Variants in CCDC32 observed in about 807,000 individuals in gnomAD.
CCDC32 encodes coiled-coil domain-containing protein 32.
Under a neutral mutation model 20.1 loss-of-function variants are expected in CCDC32, and 9 were observed. The observed-to-expected ratio is 0.45, with a 90% confidence interval of 0.27 to 0.78. The LOEUF is 0.78. Ranked by LOEUF, CCDC32 falls within the 30% of genes least tolerant of loss-of-function variation. The pLI, the probability that CCDC32 is intolerant of heterozygous loss-of-function variation, is 0.16. For synonymous variants in CCDC32, 63 were observed against 79.0 expected (o/e 0.80, Z 1.07); for missense variants, 204 against 215.5 (o/e 0.95, Z 0.33).
chr15:40,561,132 G>A (rs567391718), intron 2 of CCDC32, among the ~76,000 whole-genome samples: 1 of 152,252 alleles, frequency 6.6e-6, no homozygotes, highest in African/African-American at 2.4e-5. Flanking sequence ...AATGCCATAC[G>A]TTCTCACTTA....
Position 40,562,666 on chromosome 15 carries a change from T to G in CCDC32, c.244+106A>C, listed in dbSNP as rs1890724621. The stretch of plus-strand genomic sequence containing the variant: ...CGGCTTGAAACATCCCTTGGAATTA[T>G]ATCTGACAGATACGTGTGACAGGAA... On this transcript the variant is annotated intron_variant, in intron 2 of 3. Coordinates refer to ENST00000416810, the MANE Select transcript of CCDC32 (RefSeq NM_001080792.4). 9.2e-6 allele frequency: 12 copies of G among 1,303,352 alleles called. 1 individual carries two copies. The East Asian group carries it at 2.8e-4, about 30-fold the overall frequency. The allele number at this position is 1,303,352 out of a possible 1,614,324, so 80.7% of individuals were successfully genotyped here.
At chr15:40,563,091 A>G in intron 1 of CCDC32, 64 bp from the exon 2 acceptor site, 2 of 1,541,174 alleles carry the variant, frequency 1.3e-6, no homozygotes, top group African/African-American at 1.4e-5. Context: ...GGTTGAGCAC[A>G]GTGGCTCACG....
intron 3 of CCDC32, chr15:40,556,579 T>G (rs1262998618): frequency 2.6e-5 from 4 of 152,248 alleles, no homozygotes; most frequent in Non-Finnish European, 5.9e-5. Flanking sequence ...GGCTCCCGCT[T>G]GTAATCCCAG....
downstream of CCDC32, among the ~76,000 whole-genome samples, chr15:40,529,962 G>A (rs958085582): frequency 6.6e-6 from 1 of 151,160 alleles, no homozygotes; most frequent in Non-Finnish European, 1.5e-5. Context: ...CGCCCAGCCG[G>A]TTGGGATGCT....
At chr15:40,559,932 C>A (rs1890506236) in intron 2 of CCDC32, among the ~76,000 whole-genome samples, 1 of 152,216 alleles carries the variant, frequency 6.6e-6, no homozygotes, top group Non-Finnish European at 1.5e-5. Flanking sequence ...ATACAAAAAT[C>A]AACTCAAGAT....
At chr15:40,548,296 T>C (rs1889704649), downstream of CCDC32, among the ~76,000 whole-genome samples, 3 of 152,238 alleles carry the variant, frequency 2.0e-5, no homozygotes. Context: ...CTTAGACAAC[T>C]GCAACCACCT....
intron 3 of CCDC32, among the ~76,000 whole-genome samples, chr15:40,540,512 C>T (rs993107756): frequency 1.3e-5 from 2 of 151,536 alleles, no homozygotes; most frequent in South Asian, 2.1e-4. Context: ...GGATTACAGG[C>T]GCCTGCCACC....
At chr15:40,544,405 C>T (rs1342295784) in intron 3 of CCDC32, among the ~76,000 whole-genome samples, 3 of 151,850 alleles carry the variant, frequency 2.0e-5, no homozygotes, top group Admixed American at 6.6e-5. Context: ...TTTGTAGAGA[C>T]GGGGTCTCTT....
chr15:40,562,493 T>C (rs1285487749), intron 2 of CCDC32, among the ~76,000 whole-genome samples: 1 of 151,886 alleles, frequency 6.6e-6, no homozygotes, highest in African/African-American at 2.4e-5. Flanking sequence ...GGCAGGAAAA[T>C]CGCTTGAACC....
downstream of CCDC32, chr15:40,532,113 C>T (rs75323018): frequency 7.8e-4 from 411 of 528,412 alleles, 7 homozygotes; most frequent in East Asian, 0.012. Flanking sequence ...TATGGGTTCT[C>T]GCTCAAGGTG....
intron 2 of CCDC32, among the ~76,000 whole-genome samples, chr15:40,560,246 G>A (rs763094726): frequency 1.3e-5 from 2 of 152,188 alleles, no homozygotes; most frequent in Non-Finnish European, 2.9e-5. Flanking sequence ...TTGACCTTGT[G>A]ATCTGCCTGC....
At chr15:40,533,577 C>CTTG (rs1888979080), downstream of CCDC32, among the ~76,000 whole-genome samples, 1 of 151,882 alleles carries the variant, frequency 6.6e-6, no homozygotes, top group Admixed American at 6.6e-5. Flanking sequence ...AACTGCTGAC[C>CTTG]TTGTAATCCA....
chr15:40,539,486 G>T (rs1052088409), intron 3 of CCDC32: 56 of 755,208 alleles, frequency 7.4e-5, no homozygotes, highest in South Asian at 6.4e-4. Flanking sequence ...AGGAAGTGAG[G>T]TGTCGACACA....
At position 40,553,935 on chromosome 15, in the gene CCDC32, TGTGTGTGTGTGTGTG is replaced by T; in HGVS notation, c.*21_*35del. The T allele has an allele frequency of 3.8e-6, 2 of 532,528 alleles. No individual in the cohort carries two copies. The highest frequency in any genetic ancestry group is 5.9e-6 in the Non-Finnish European group (2 of 340,350). The allele number at this position is 532,528 out of a possible 1,614,324, so 33.0% of individuals were successfully genotyped here. A position where few individuals can be genotyped will look rare whatever the true frequency, so the allele number is the denominator to read the frequency against. ...GTGTGTGTGTGTGTGTGTGTGTGTG[TGTGTGTGTGTGTGTG>T]TGTGTGTGTGTGTGTGTAATTTACT... On this transcript the variant is annotated 3_prime_UTR_variant, in exon 4 of 4. Coordinates refer to ENST00000416810, the MANE Select transcript of CCDC32 (RefSeq NM_001080792.4).
chr15:40,531,973 T>C (rs575400352), downstream of CCDC32: 78 of 234,102 alleles, frequency 3.3e-4, no homozygotes, highest in African/African-American at 1.7e-3. Flanking sequence ...GTAATATTTC[T>C]CTTTAATTCC....
downstream of CCDC32, among the ~76,000 whole-genome samples, chr15:40,530,661 C>T (rs1888848051): frequency 2.0e-5 from 3 of 151,072 alleles, no homozygotes; most frequent in Non-Finnish European, 4.4e-5. Flanking sequence ...CTCATACAGC[C>T]TGTAGAACCG....
In CCDC32 at chr15:40,540,660, C is replaced by T. The variant is rs548298221; in HGVS notation, c.402-1305G>A. ...CTGGGATTACAGGTGTGAGCCACTG[C>T]ACCCAGCCCAGCATTTTCTTCTTAG... On this transcript the variant is annotated intron_variant, in intron 3 of 3. Transcript: ENST00000558113. 2.0e-4 allele frequency among the ~76,000 whole-genome samples: 30 copies of T among 152,282 alleles called. No homozygotes were observed. In the South Asian group the frequency reaches 5.6e-3, roughly 28 times the overall value.
downstream of CCDC32, among the ~76,000 whole-genome samples, chr15:40,524,348 G>T (rs1436213744): frequency 6.6e-6 from 1 of 151,618 alleles, no homozygotes. Flanking sequence ...AGTAGAGACG[G>T]GGTTTCACCG....
chr15:40,546,065 T>C (rs1415000969), intron 3 of CCDC32, among the ~76,000 whole-genome samples: 3 of 152,236 alleles, frequency 2.0e-5, no homozygotes, highest in Non-Finnish European at 4.4e-5. Context: ...AGAATTTTTA[T>C]TGACCAGTTC....
Sources: gnomAD v4.1 joint callset for allele counts (sites outside exome capture counted in the v4.1 genomes callset) on GRCh38, gnomAD v4.1.1 for gene constraint, MANE v1.5 for transcripts, NCBI Gene and HGNC (gene_info 2026-07-23, HGNC 2026-07-21) for gene names.